The following AGAP1 variants were observed in gnomAD, a reference collection of about 807,000 sequenced individuals.
AGAP1 encodes the protein ArfGAP with GTPase domain, ankyrin repeat and PH domain 1.
Under a neutral mutation model 105.3 loss-of-function variants are expected in AGAP1, and 29 were observed. The observed-to-expected ratio is 0.28, with a 90% CI of 0.21 to 0.38. The LOEUF is 0.38. AGAP1 is among the 10% of genes least tolerant of loss of function. AGAP1 has a pLI of 1.00. For synonymous variants in AGAP1, 509 were observed against 485.9 expected (o/e 1.05, Z -0.63); for missense variants, 998 against 1,165.1 (o/e 0.86, Z 2.09).
At chr2:235,935,265 C>T (rs1160121014) in intron 12 of AGAP1, among the ~76,000 whole-genome samples, 5 of 152,132 alleles carry the variant, frequency 3.3e-5, no homozygotes, top group African/African-American at 7.2e-5. Context: ...TGCCGTCTGC[C>T]GGCTTGCAAG....
chr2:235,609,797 G>A lies in AGAP1; in HGVS notation c.164-99382G>A, dbSNP rs1046697100. On this transcript the variant is annotated intron_variant, in intron 1 of 17. Coordinates refer to ENST00000304032, the MANE Select transcript of AGAP1 (RefSeq NM_001037131.3). The surrounding 1 kb of genome is among the most constrained non-coding windows in gnomAD (Gnocchi z 5.1). ...CAACTCACAGGCCAGAAAGTGTAGT[G>A]GGAGGCTGTGGGCATATTTGGCGCT... Among the ~76,000 whole-genome samples the A allele has an allele frequency of 2.0e-5, 3 of 152,048 alleles. No homozygotes were observed. The highest frequency in any genetic ancestry group is 6.6e-5 in the Admixed American group (1 of 15,254).
intron 16 of AGAP1, among the ~76,000 whole-genome samples, chr2:236,100,832 G>GAA (rs72435294): frequency 3.7e-5 from 4 of 108,782 alleles, no homozygotes; most frequent in Non-Finnish European, 4.1e-5. Context: ...TCCCTCTCAA[G>GAA]AAAAAAAAAA....
Position 235,599,455 on chromosome 2 carries a change from G to T in AGAP1, c.163+104606G>T, listed in dbSNP as rs989530290. Among the ~76,000 whole-genome samples the T allele has an allele frequency of 6.6e-6, 1 of 152,162 alleles. No individual in the cohort carries two copies. The highest frequency in any genetic ancestry group is 2.4e-5 in the African/African-American group (1 of 41,448). ...TATTTGCATGAATTAGCCACACGCAGAGGGCAGTTATGTGTGATGTGGGAA... is the reference window on the plus strand; with the variant it reads ...TATTTGCATGAATTAGCCACACGCATAGGGCAGTTATGTGTGATGTGGGAA... On this transcript the variant is annotated intron_variant, in intron 1 of 17. Coordinates refer to ENST00000304032, the MANE Select transcript of AGAP1 (RefSeq NM_001037131.3). The surrounding 1 kb of genome is among the most constrained non-coding windows in gnomAD (Gnocchi z 5.3).
chr2:235,817,571 ATAT>A (rs1958529507), intron 9 of AGAP1, among the ~76,000 whole-genome samples: 1 of 152,128 alleles, frequency 6.6e-6, no homozygotes, highest in African/African-American at 2.4e-5. Flanking sequence ...AGGAATGTAA[ATAT>A]TATAAAGTAG....
chr2:235,524,921 G>T (rs35362211), intron 1 of AGAP1, among the ~76,000 whole-genome samples: 44 of 152,172 alleles, frequency 2.9e-4, no homozygotes, highest in Non-Finnish European at 5.1e-4. Context: ...GCAGATTCTA[G>T]GTAAAATGTC....
At chr2:235,823,198 T>C (rs1335981273) in intron 9 of AGAP1, among the ~76,000 whole-genome samples, 2 of 151,882 alleles carry the variant, frequency 1.3e-5, no homozygotes, top group African/African-American at 4.9e-5. Flanking sequence ...CATGTTATTA[T>C]GATATGTAAC....
intron 1 of AGAP1, among the ~76,000 whole-genome samples, chr2:235,499,167 G>A (rs1456188399): frequency 4.6e-5 from 7 of 152,176 alleles, no homozygotes; most frequent in Non-Finnish European, 7.3e-5. Flanking sequence ...GCCCTCTGTC[G>A]CCGTGTGAGA....
chr2:235,494,700 A>G lies in AGAP1; in HGVS notation c.14A>G (p.Gln5Arg). 1 of 1,533,304 alleles carries G rather than the reference A, an allele frequency of 6.5e-7. No individual in the cohort carries two copies. The highest frequency in any genetic ancestry group is 1.2e-5 in the South Asian group (1 of 86,340). The allele number at this position is 1,533,304 out of a possible 1,614,324, so 95.0% of individuals were successfully genotyped here. A position where few individuals can be genotyped will look rare whatever the true frequency, so the allele number is the denominator to read the frequency against. ...GGCGCCTGCACCATGAACTACCAGCAGCAGCTGGCCAACTCGGCTGCCATC... is the reference window on the plus strand; with the variant it reads ...GGCGCCTGCACCATGAACTACCAGCGGCAGCTGGCCAACTCGGCTGCCATC... MNYQ[Q>R]QLANSAAIRA... is the part of the protein sequence containing the mutation. The change falls in exon 1 of 18, where the codon CAG (glutamine) becomes CGG (arginine). Residue 5 changes from glutamine (Q) to arginine (R), a missense_variant. Transcript: ENST00000304032.
At chr2:236,004,087 G>A (rs1182252644) in intron 13 of AGAP1, among the ~76,000 whole-genome samples, 1 of 152,082 alleles carries the variant, frequency 6.6e-6, no homozygotes, top group African/African-American at 2.4e-5. Flanking sequence ...GTGTATTCTG[G>A]ATGCCTGAGT....
In AGAP1 at chr2:235,559,293, G is replaced by A. The variant is rs1487664870; in HGVS notation, c.163+64444G>A. ...AAAATACGATGAAGGGGTGATTTGG[G>A]TGTCCCAAGACTGTTTGGAAGGTTG... On this transcript the variant is annotated intron_variant, in intron 1 of 17. Transcript: ENST00000304032. The surrounding 1 kb of genome is among the most constrained non-coding windows in gnomAD (Gnocchi z 5.7). 6.6e-6 allele frequency among the ~76,000 whole-genome samples: 1 copy of A among 152,058 alleles called. No individual in the cohort carries two copies. Among genetic ancestry groups the A allele is most frequent in the Non-Finnish European group, 1.5e-5 (1 of 68,026 alleles).
intron 9 of AGAP1, among the ~76,000 whole-genome samples, chr2:235,873,847 C>A (rs534529683): frequency 5.3e-5 from 8 of 152,042 alleles, no homozygotes; most frequent in Non-Finnish European, 1.0e-4. Context: ...CTCACCTCAG[C>A]TTCCCGGGTA....
chr2:235,984,313 T>G (rs887708600), intron 13 of AGAP1, among the ~76,000 whole-genome samples: 6 of 152,204 alleles, frequency 3.9e-5, no homozygotes, highest in Non-Finnish European at 8.8e-5. Context: ...TTGGATTGTT[T>G]CCGCCTTTTG....
At position 236,056,475 on chromosome 2, in the gene AGAP1, T is replaced by G. The variant is rs1345946358; in HGVS notation, c.2114+7194T>G. On this transcript the variant is annotated intron_variant, in intron 16 of 17. Coordinates refer to ENST00000304032, the MANE Select transcript of AGAP1 (RefSeq NM_001037131.3). This position sits in a 1 kb window ranked among gnomAD's most constrained non-coding sequence, Gnocchi z 4.6. ...CAGCAGGCAGCAACTGGCTTCCAGG[T>G]GCCCTGACCACGTTCAAGCCTGTGT... Among the ~76,000 whole-genome samples the G allele has an allele frequency of 6.6e-6, 1 of 152,216 alleles. No individual in the cohort carries two copies. Among genetic ancestry groups the G allele is most frequent in the Non-Finnish European group, 1.5e-5 (1 of 68,032 alleles).
rs3754664 is a variant in AGAP1 at position 235,736,217 on chromosome 2, G to A, written c.311-4746G>A. Among the ~76,000 whole-genome samples the A allele has an allele frequency of 2.3e-3, 355 of 152,146 alleles. 4 individuals carry two copies. Among genetic ancestry groups the A allele is most frequent in the East Asian group, 0.02 (105 of 5,136 alleles). ...GGGGTGCCCGCCGTTGGGAGGTGCT[G>A]TGGTTCCAGGGTGGGCGCTGGTCCC... is the stretch of plus-strand genomic sequence containing the variant. On this transcript the variant is annotated intron_variant, in intron 3 of 17. Transcript: ENST00000304032. This position sits in a 1 kb window ranked among gnomAD's most constrained non-coding sequence, Gnocchi z 5.5.
chr2:235,579,188 C>CT (rs1028276985), intron 1 of AGAP1, among the ~76,000 whole-genome samples: 2 of 152,172 alleles, frequency 1.3e-5, no homozygotes, highest in Non-Finnish European at 2.9e-5. Flanking sequence ...CCCCTGCCCA[C>CT]TGAGGGCTTC....
chr2:235,677,480 C>G (rs752780564), intron 1 of AGAP1, among the ~76,000 whole-genome samples: 1 of 152,050 alleles, frequency 6.6e-6, no homozygotes, highest in East Asian at 1.9e-4. Context: ...CCTATACTGT[C>G]CTTTGTTTGG....
chr2:235,988,071 C>T lies in AGAP1; in HGVS notation c.1645+19448C>T, dbSNP rs2055396970. Among the ~76,000 whole-genome samples, 1 of 152,178 alleles carries T rather than the reference C, an allele frequency of 6.6e-6. No homozygotes were observed. Among genetic ancestry groups the T allele is most frequent in the Non-Finnish European group, 1.5e-5 (1 of 68,044 alleles). ...CTGTTTTGTTTTTTGAAACAAGAGTCTCACTCTGTTGCCCAGGCTGGAGTG... is the reference window on the plus strand; with the variant it reads ...CTGTTTTGTTTTTTGAAACAAGAGTTTCACTCTGTTGCCCAGGCTGGAGTG... On this transcript the variant is annotated intron_variant, in intron 13 of 17. Transcript: ENST00000304032. This position sits in a 1 kb window ranked among gnomAD's most constrained non-coding sequence, Gnocchi z 4.7.
chr2:235,726,454 C>T (rs1366275014), intron 3 of AGAP1, among the ~76,000 whole-genome samples: 1 of 152,164 alleles, frequency 6.6e-6, no homozygotes, highest in Non-Finnish European at 1.5e-5. Context: ...ATCATTTTTC[C>T]TAGAGAAATT....
chr2:235,706,790 C>T (rs1194295777), intron 1 of AGAP1, among the ~76,000 whole-genome samples: 2 of 152,196 alleles, frequency 1.3e-5, no homozygotes, highest in Non-Finnish European at 2.9e-5. Flanking sequence ...TTGGGGCCTG[C>T]ATTTTGGAGT....
Sources: gnomAD v4.1 joint callset for allele counts (sites outside exome capture counted in the v4.1 genomes callset) on GRCh38, gnomAD v4.1.1 for gene constraint, Gnocchi (gnomAD v3.1) non-coding constraint, MANE v1.5 for transcripts, NCBI Gene and HGNC (gene_info 2026-07-23, HGNC 2026-07-21) for gene names.